The following TLR7 variants were observed in gnomAD, a reference collection of about 807,000 sequenced individuals.
The protein encoded by TLR7 is toll like receptor 7.
TLR7 carries 12 observed loss-of-function variants against 38.3 expected under a neutral mutation model. The ratio of observed to expected loss-of-function variants is 0.31; its 90% CI spans 0.20 to 0.51. TLR7 has a LOEUF of 0.51. Among genes scored for constraint, TLR7 ranks in the 20% least tolerant of loss-of-function variants. The pLI is 0.98. For synonymous variants in TLR7, 285 were observed against 293.8 expected, an observed-to-expected ratio of 0.97 and a Z score of 0.31; for missense variants, 504 against 743.4, an observed-to-expected ratio of 0.68 and a Z score of 3.74.
At chrX:12,882,137 A>T (rs750297841) in intron 2 of TLR7, among the ~76,000 whole-genome samples, 1 of 111,963 alleles carries the variant, frequency 8.9e-6, no homozygotes, top group Non-Finnish European at 1.9e-5. Flanking sequence ...GATATGTGGT[A>T]AAGGAGGGGA....
At chrX:12,874,536 G>C (rs1303734091) in intron 2 of TLR7, among the ~76,000 whole-genome samples, 1 of 110,500 alleles carries the variant, frequency 9.0e-6, no homozygotes, top group Non-Finnish European at 1.9e-5. Flanking sequence ...TGGCAGATAA[G>C]TTTCAGGGGG....
intron 2 of TLR7, among the ~76,000 whole-genome samples, chrX:12,881,260 A>ATAAT (rs1491384905): frequency 1.9e-5 from 2 of 106,939 alleles, no homozygotes; most frequent in Admixed American, 1.0e-4. Flanking sequence ...AATAATAATA[A>ATAAT]TAGTCTATAA....
At position 12,885,955 on chromosome X, in the gene TLR7, C is replaced by G; in HGVS notation, c.447C>G (p.Ser149Arg). 1 of 1,212,022 alleles carries G rather than the reference C, an allele frequency of 8.3e-7. No individual in the cohort carries two copies. Among genetic ancestry groups the G allele is most frequent in the Non-Finnish European group, 1.1e-6 (1 of 895,488 alleles). The change falls in exon 3 of 3, where the codon AGC becomes AGG. Residue 149 changes from serine (S) to arginine (R), a missense_variant. By Grantham distance (110) the Ser-to-Arg change is moderately radical. Transcript: ENST00000380659. ...LLEIPQGLPP[S>R]LQLLSLEANN... ...AGATACCGCAGGGCCTCCCGCCTAGCTTACAGCTTCTCAGCCTTGAGGCCA... is the reference window on the plus strand; with the variant it reads ...AGATACCGCAGGGCCTCCCGCCTAGGTTACAGCTTCTCAGCCTTGAGGCCA...
chrX:12,887,271 T>G lies in TLR7; in HGVS notation c.1763T>G (p.Met588Arg). Residue 588 changes from methionine (M) to arginine (R), a missense_variant, in exon 3 of 3, where the codon ATG becomes AGG. Transcript: ENST00000380659. ...TTTCAATCAGAAGGAATTACTCATA[T>G]GCTAAACTTTACCAAGAACCTAAAG... Reference protein sequence around the residue: ...HYFQSEGITHMLNFTKNLKVL... With the variant: ...HYFQSEGITHRLNFTKNLKVL... 2 of 1,211,048 alleles carry G rather than the reference T, an allele frequency of 1.7e-6. No individual in the cohort carries two copies. Among genetic ancestry groups the G allele is most frequent in the Non-Finnish European group, 2.2e-6 (2 of 895,062 alleles).
intron 2 of TLR7, among the ~76,000 whole-genome samples, chrX:12,879,877 G>A (rs770842493): frequency 8.9e-6 from 1 of 111,938 alleles, no homozygotes; most frequent in East Asian, 2.8e-4. Flanking sequence ...GTTGAGAGAT[G>A]TGTAGCAATC....
rs147244662 is a variant in TLR7, at chrX:12,888,602, G to A, written c.3094G>A (p.Ala1032Thr). 681 of 1,209,295 alleles carry A rather than the reference G, an allele frequency of 5.6e-4. 4 individuals are homozygous for A. Among genetic ancestry groups the A allele is most frequent in the Middle Eastern group, 5.5e-3 (24 of 4,344 alleles). The change falls in exon 3 of 3, where the codon GCC (alanine) becomes ACC (threonine). Residue 1032 changes from alanine to threonine, a missense_variant. Physicochemically the swap from Ala to Thr is moderately conservative, Grantham distance 58. Coordinates refer to ENST00000380659, the MANE Select transcript of TLR7 (RefSeq NM_016562.4). ...HPYFWQCLKN[A>T]LATDNHVAYS... ...ATACTTCTGGCAGTGTCTAAAGAAC[G>A]CCCTGGCCACAGACAATCATGTGGC...
At chrX:12,877,282 T>A (rs761768497) in intron 2 of TLR7, among the ~76,000 whole-genome samples, 23 of 110,817 alleles carry the variant, frequency 2.1e-4, no homozygotes, top group Non-Finnish European at 3.8e-4. Context: ...AGACCAGGGG[T>A]CTGCCAGCTA....
chrX:12,883,829 G>A (rs1211129264), intron 2 of TLR7, among the ~76,000 whole-genome samples: 1 of 110,888 alleles, frequency 9.0e-6, no homozygotes, highest in Non-Finnish European at 1.9e-5. Context: ...CGATAGGGAG[G>A]AAAAGATAGG....
At position 12,885,497 on chromosome X, in the gene TLR7, T is replaced by G. The variant is rs1317740417; in HGVS notation, c.4-15T>G. On this transcript the variant is annotated splice_polypyrimidine_tract_variant and intron_variant, in intron 2 of 2. Transcript: ENST00000380659. ...ATGTTTTAGAACAATGATTTGTTCT[T>G]TCTTATACTTTCAGGTGTTTCCAAT... The G allele has an allele frequency of 8.6e-7, 1 of 1,164,813 alleles. No individual in the cohort carries two copies. Among genetic ancestry groups the G allele is most frequent in the Admixed American group, 2.4e-5 (1 of 41,480 alleles).
chrX:12,873,058 C>T (rs1363631684), intron 2 of TLR7, among the ~76,000 whole-genome samples: 1 of 111,418 alleles, frequency 9.0e-6, no homozygotes, highest in Non-Finnish European at 1.9e-5. Flanking sequence ...TCTCCTACAC[C>T]CCCTGCTTCA....
At position 12,886,777 on chromosome X, in the gene TLR7, G is replaced by A; in HGVS notation, c.1269G>A (p.Leu423=). The change falls in exon 3 of 3, where the codon CTG becomes CTA. Residue 423 remains leucine, a synonymous_variant. Transcript: ENST00000380659. ...GCATGTTTAAACAATTTAAAAGACT[G>A]AAAGTCATAGATCTTTCAGTGAATA... is the stretch of plus-strand genomic sequence containing the variant. The part of the protein sequence containing the change: ...NLSMFKQFKR[L]KVIDLSVNKI... 1.7e-6 allele frequency: 2 copies of A among 1,207,971 alleles called. No individual in the cohort carries two copies. Among genetic ancestry groups the A allele is most frequent in the Non-Finnish European group, 2.2e-6 (2 of 893,237 alleles).
chrX:12,879,647 CAGGAGAAAG>C (rs5743760), intron 2 of TLR7, among the ~76,000 whole-genome samples: 23,044 of 110,465 alleles, frequency 0.21, 3,272 homozygotes, highest in African/African-American at 0.51. Context: ...TGGAAGCAGA[CAGGAGAAAG>C]AGGAGAAAGG....
rs758416427 is a variant in TLR7 at position 12,886,541 on chromosome X, T to C, written c.1033T>C (p.Leu345=). ...FLHFLPSLIQ[L]DLSFNFELQV... ...GCATTTTCTCCCCAGCCTCATCCAA[T>C]TGGATCTGTCTTTCAATTTTGAACT... Residue 345 remains leucine (L), a synonymous_variant, in exon 3 of 3, where the codon TTG becomes CTG. Transcript: ENST00000380659. 40 of 1,211,858 alleles carry C rather than the reference T, an allele frequency of 3.3e-5. No homozygotes were observed. The South Asian group carries it at 6.5e-4, about 20-fold the overall frequency.
intron 2 of TLR7, among the ~76,000 whole-genome samples, chrX:12,868,792 TCTAATGAAGCATTAA>T (rs2042842407): frequency 9.0e-6 from 1 of 111,669 alleles, no homozygotes; most frequent in Admixed American, 9.5e-5. Context: ...GTGTCAAAGT[TCTAATGAAGCATTAA>T]CCATGGGGCT....
At chrX:12,876,488 G>T (rs900503114) in intron 2 of TLR7, among the ~76,000 whole-genome samples, 2 of 112,054 alleles carry the variant, frequency 1.8e-5, no homozygotes, top group Non-Finnish European at 3.8e-5. Context: ...GTTTGAAATT[G>T]CCTGTCTGAT....
intron 2 of TLR7, among the ~76,000 whole-genome samples, chrX:12,872,917 C>T (rs1317285818): frequency 9.1e-6 from 1 of 109,610 alleles, no homozygotes; most frequent in Non-Finnish European, 1.9e-5. Context: ...TAAGTCAGAC[C>T]AACTGATTGT....
chrX:12,880,927 G>A (rs2042888894), intron 2 of TLR7, among the ~76,000 whole-genome samples: 1 of 110,939 alleles, frequency 9.0e-6, no homozygotes, highest in Non-Finnish European at 1.9e-5. Flanking sequence ...GTAAAATGGA[G>A]ATAATAATAG....
rs753691325 is a variant in TLR7, at chrX:12,888,172, C to T, written c.2664C>T (p.Asp888=). Residue 888 remains aspartate (D), a synonymous_variant, in exon 3 of 3, where the codon GAC becomes GAT. Transcript: ENST00000380659. ...GGTATCAGCGTCTAATATCACCAGA[C>T]TGTTGCTATGATGCTTTTATTGTGT... ...IKGYQRLISP[D]CCYDAFIVYD... is the part of the protein sequence containing the mutation. The T allele has an allele frequency of 5.0e-6, 6 of 1,211,847 alleles. No homozygotes were observed. The highest frequency in any genetic ancestry group is 6.7e-6 in the Non-Finnish European group (6 of 895,528).
At chrX:12,869,219 G>A (rs5743721) in intron 2 of TLR7, among the ~76,000 whole-genome samples, 4,768 of 111,592 alleles carry the variant, frequency 0.043, 246 homozygotes, top group African/African-American at 0.15. Flanking sequence ...AAGAAAAGAC[G>A]TGAAAATAAT....
Sources: gnomAD v4.1 joint callset for allele counts (sites outside exome capture counted in the v4.1 genomes callset) on GRCh38, gnomAD v4.1.1 for gene constraint, MANE v1.5 for transcripts, NCBI Gene and HGNC (gene_info 2026-07-23, HGNC 2026-07-21) for gene names.